The following LIMA1 variants were observed in gnomAD, a reference collection of about 807,000 sequenced individuals.
LIMA1 encodes LIM domain and actin binding 1.
In LIMA1, 52 loss-of-function variants were observed where a neutral mutation model predicts 62.6. The observed-to-expected ratio is 0.83, with a 90% CI of 0.67 to 1.05. LIMA1 has a LOEUF of 1.05. LIMA1 is among the 50% of genes least tolerant of loss of function. The pLI is 0.00. For missense variants in LIMA1, 780 were observed against 902.2 expected (o/e 0.86, Z 1.74); for synonymous variants, 302 against 317.8 (o/e 0.95, Z 0.53).
At chr12:50,230,283 G>T (rs181271685) in intron 3 of LIMA1, among the ~76,000 whole-genome samples, 57 of 152,218 alleles carry the variant, frequency 3.7e-4, no homozygotes, top group African/African-American at 1.3e-3. Context: ...TGATCTGCCT[G>T]CCTCGGCCTC....
rs568497473 is a variant in LIMA1, at chr12:50,196,834, C to T, written c.973-947G>A. Among the ~76,000 whole-genome samples, 10 of 152,280 alleles carry T rather than the reference C, an allele frequency of 6.6e-5. No homozygotes were observed. The South Asian group carries it at 1.4e-3, about 22-fold the overall frequency. On this transcript the variant is annotated intron_variant, in intron 7 of 10. Transcript: ENST00000341247. Reference sequence around the variant, plus strand: ...CTTCATTACAGGAATTCTGACATGGCATAAAATAAACCGGTACAATCACAG... The same window carrying T: ...CTTCATTACAGGAATTCTGACATGGTATAAAATAAACCGGTACAATCACAG...
chr12:50,177,547 G>C lies in LIMA1; in HGVS notation c.1797C>G (p.Ser599Arg), dbSNP rs1227649605. ...CAGTTTTTGGGCTCTTGACAGAGGT[G>C]CTTTGAAATGAAGCTGCTACAGTGA... ...RPFTVAASFQ[S>R]TSVKSPKTVS... Residue 599 changes from serine (S) to arginine (R), a missense_variant, in exon 11 of 11, where the codon AGC (serine) becomes AGG (arginine). Transcript: ENST00000341247. 1 of 1,611,280 alleles carries C rather than the reference G, an allele frequency of 6.2e-7. No homozygotes were observed. Among genetic ancestry groups the C allele is most frequent in the Non-Finnish European group, 8.5e-7 (1 of 1,179,012 alleles).
At chr12:50,232,815 C>A (rs1941632694) in intron 2 of LIMA1, among the ~76,000 whole-genome samples, 1 of 152,170 alleles carries the variant, frequency 6.6e-6, no homozygotes, top group Admixed American at 6.5e-5. Context: ...GGTGAAACCC[C>A]ACCTCTACTA....
At chr12:50,247,687 G>A (rs1354680537) in intron 2 of LIMA1, among the ~76,000 whole-genome samples, 4 of 151,414 alleles carry the variant, frequency 2.6e-5, no homozygotes, top group Admixed American at 6.6e-5. Context: ...GCAGTGGCAC[G>A]ATTTCAGCTT....
chr12:50,212,914 A>G (rs570949941), intron 4 of LIMA1, among the ~76,000 whole-genome samples: 3 of 152,292 alleles, frequency 2.0e-5, no homozygotes, highest in East Asian at 1.9e-4. Flanking sequence ...TCCCAGGTTC[A>G]GGCAATTCTC....
intron 1 of LIMA1, among the ~76,000 whole-genome samples, chr12:50,260,039 C>T (rs1942045269): frequency 6.6e-6 from 1 of 152,160 alleles, no homozygotes; most frequent in Non-Finnish European, 1.5e-5. Flanking sequence ...TCTCTCCCTT[C>T]TCTGAGCGAG....
intron 4 of LIMA1, among the ~76,000 whole-genome samples, chr12:50,209,732 C>T (rs567868988): frequency 6.6e-6 from 1 of 152,142 alleles, no homozygotes; most frequent in Admixed American, 6.5e-5. Context: ...GTGGTGTGAT[C>T]TCAGCTCACT....
At chr12:50,205,907 T>C in intron 5 of LIMA1, 77 bp downstream of exon 5, 1 of 1,003,706 alleles carries the variant, frequency 1.0e-6, no homozygotes, top group Non-Finnish European at 1.5e-6. Context: ...TTAAAAGCAT[T>C]GGCTTCGAGT....
chr12:50,190,480 G>C (rs1161217939), intron 9 of LIMA1, among the ~76,000 whole-genome samples: 1 of 148,524 alleles, frequency 6.7e-6, no homozygotes, highest in Non-Finnish European at 1.5e-5. Context: ...CAATTCTCCT[G>C]CCTCGGCTTC....
chr12:50,206,622 CCTGAAA>C (rs1197117470), intron 4 of LIMA1, among the ~76,000 whole-genome samples: 1 of 152,176 alleles, frequency 6.6e-6, no homozygotes, highest in African/African-American at 2.4e-5. Context: ...CCTACTCATT[CCTGAAA>C]TTAAACTCGA....
At chr12:50,242,089 A>T (rs760808016) in intron 2 of LIMA1, among the ~76,000 whole-genome samples, 45 of 151,156 alleles carry the variant, frequency 3.0e-4, no homozygotes, top group Non-Finnish European at 5.6e-4. Flanking sequence ...GAGTAATAAC[A>T]GTGTCTCAAA....
intron 8 of LIMA1, among the ~76,000 whole-genome samples, chr12:50,195,328 T>A (rs1188288402): frequency 1.3e-5 from 2 of 152,164 alleles, no homozygotes; most frequent in African/African-American, 2.4e-5. Flanking sequence ...CAAAATAGGA[T>A]GACAGGTGAC....
At chr12:50,272,108 C>T (rs183771274) in intron 1 of LIMA1, among the ~76,000 whole-genome samples, 5 of 152,250 alleles carry the variant, frequency 3.3e-5, no homozygotes, top group Admixed American at 3.3e-4. Context: ...CACTTCTGGA[C>T]ATTTCCAGGA....
At chr12:50,207,332 T>G (rs1941172312) in intron 4 of LIMA1, among the ~76,000 whole-genome samples, 1 of 152,188 alleles carries the variant, frequency 6.6e-6, no homozygotes, top group African/African-American at 2.4e-5. Flanking sequence ...TTATAATTTT[T>G]AAGACTGTAG....
intron 4 of LIMA1, chr12:50,217,533 T>G (rs1193961671): frequency 6.6e-6 from 1 of 152,550 alleles, no homozygotes; most frequent in Non-Finnish European, 1.5e-5. Context: ...TTTTTTATTT[T>G]TCTCCAGAGG....
At chr12:50,186,814 T>C (rs1008527385) in intron 9 of LIMA1, 1 of 152,220 alleles carries the variant, frequency 6.6e-6, no homozygotes, top group Admixed American at 6.6e-5. Flanking sequence ...TCAGCCTTTG[T>C]GGGTAGGTCT....
chr12:50,255,450 C>CAAG (rs1941982368), intron 1 of LIMA1, among the ~76,000 whole-genome samples: 1 of 149,862 alleles, frequency 6.7e-6, no homozygotes, highest in African/African-American at 2.5e-5. Flanking sequence ...CCCAGCTACT[C>CAAG]AAGAGGCTGA....
intron 9 of LIMA1, chr12:50,185,751 C>T (rs988492581): frequency 6.7e-6 from 2 of 297,382 alleles, no homozygotes; most frequent in South Asian, 3.0e-5. Flanking sequence ...CACATCGGCT[C>T]TCTCTTTAAT....
chr12:50,225,636 T>G (rs1299498235), intron 3 of LIMA1, among the ~76,000 whole-genome samples: 2 of 152,234 alleles, frequency 1.3e-5, no homozygotes, highest in Non-Finnish European at 1.5e-5. Context: ...CACTGCAACC[T>G]CTGCCTCCCA....
Sources: allele counts gnomAD v4.1 joint callset (sites outside exome capture counted in the v4.1 genomes callset), GRCh38; gene constraint gnomAD v4.1.1; transcripts MANE v1.5; gene names NCBI Gene and HGNC (gene_info 2026-07-23, HGNC 2026-07-21).